FGF12: variants seen among roughly 807,000 people sequenced by gnomAD.
FGF12 encodes the protein fibroblast growth factor 12, also known as fibroblast growth factor 12B.
Under a neutral mutation model 23.6 loss-of-function variants are expected in FGF12, and 14 were observed. The ratio of observed to expected loss-of-function variants is 0.59; its 90% CI spans 0.39 to 0.93. The LOEUF is 0.93. FGF12 is among the 40% of genes least tolerant of loss of function. The probability of loss-of-function intolerance (pLI) is 0.00; values close to 1 mark genes in which losing one functional copy is unlikely to be tolerated. For synonymous variants in FGF12, 62 were observed against 77.3 expected, an observed-to-expected ratio of 0.80 and a Z score of 1.04; for missense variants, 175 against 217.8, an observed-to-expected ratio of 0.80 and a Z score of 1.24.
chr3:192,356,615 T>C (rs1718483883), intron 3 of FGF12, among the ~76,000 whole-genome samples: 2 of 152,192 alleles, frequency 1.3e-5, no homozygotes, highest in Admixed American at 6.5e-5. Flanking sequence ...CTCAATTACA[T>C]ATAATTAGTC....
intron 4 of FGF12, among the ~76,000 whole-genome samples, chr3:192,232,513 G>GTATTTATTTATTTATTTATTTATTTATT (rs112832511): frequency 6.8e-6 from 1 of 147,378 alleles, no homozygotes; most frequent in African/African-American, 2.5e-5. Context: ...CCATGCACGT[G>GTATTTATTTATTTATTTATTTATTTATT]TATTTATTTA....
Position 192,567,471 on chromosome 3 carries a change from GA to G in FGF12, c.13+159709del, listed in dbSNP as rs57173763. 1.6e-3 allele frequency among the ~76,000 whole-genome samples: 243 copies of G among 152,232 alleles called. 1 individual carries two copies. Among genetic ancestry groups the G allele is most frequent in the African/African-American group, 5.5e-3 (230 of 41,542 alleles). On this transcript the variant is annotated intron_variant, in intron 2 of 5. Transcript: ENST00000445105. ...AACTGGAGAGAAATATGCCTGGGGG[GA>G]AAAGCATGTATCCTCCAAATGGTGC...
intron 2 of FGF12, among the ~76,000 whole-genome samples, chr3:192,430,193 T>TA (rs915242865): frequency 2.9e-4 from 42 of 147,292 alleles, no homozygotes; most frequent in South Asian, 4.3e-4. Flanking sequence ...TATTCAGCCT[T>TA]AAAAAAAAAA....
intron 2 of FGF12, among the ~76,000 whole-genome samples, chr3:192,420,231 T>C (rs1263881630): frequency 3.3e-5 from 5 of 152,142 alleles, no homozygotes; most frequent in African/African-American, 1.2e-4. Flanking sequence ...TTAGGAGCTC[T>C]GCTATGGTTC....
At chr3:192,170,081 G>A (rs36031646) in intron 5 of FGF12, among the ~76,000 whole-genome samples, 10,361 of 143,930 alleles carry the variant, frequency 0.072, 495 homozygotes, top group African/African-American at 0.12. Context: ...AAATTTTTCC[G>A]GCTTCTATAT....
intron 2 of FGF12, among the ~76,000 whole-genome samples, chr3:192,708,085 A>G (rs1012935296): frequency 2.6e-5 from 4 of 151,960 alleles, no homozygotes; most frequent in African/African-American, 4.8e-5. Context: ...TCAGCCTCCC[A>G]AGTAGCTGGG....
chr3:192,386,924 T>C (rs1489261053), intron 2 of FGF12, among the ~76,000 whole-genome samples: 1 of 152,228 alleles, frequency 6.6e-6, no homozygotes, highest in Non-Finnish European at 1.5e-5. Context: ...TACTTTATTG[T>C]TAAAAGTGTC....
intron 2 of FGF12, among the ~76,000 whole-genome samples, chr3:192,489,281 C>G (rs1466506428): frequency 6.6e-6 from 1 of 151,892 alleles, no homozygotes; most frequent in African/African-American, 2.4e-5. Flanking sequence ...AAATGGAATA[C>G]TTAATTTTCC....
At chr3:192,640,836 A>G (rs542586506) in intron 2 of FGF12, among the ~76,000 whole-genome samples, 1 of 151,982 alleles carries the variant, frequency 6.6e-6, no homozygotes, top group Admixed American at 6.6e-5. Context: ...TGTGTGAGAC[A>G]GGGTCTTACT....
rs1447556259 is a variant in FGF12 at position 192,625,386 on chromosome 3, TTTAA to T, written c.13+101791_13+101794del. Among the ~76,000 whole-genome samples the T allele has an allele frequency of 2.6e-5, 4 of 152,144 alleles. No homozygotes were observed. In the East Asian group the frequency reaches 7.7e-4, roughly 29 times the overall value. On this transcript the variant is annotated intron_variant, in intron 2 of 5. Transcript: ENST00000445105. ...TGGATTTAAAAATGGTATATTGATG[TTTAA>T]TTTTTAGTTTGCTTTTTTCTTATTA... is the stretch of plus-strand genomic sequence containing the variant.
chr3:192,447,199 T>A (rs1371166450), intron 2 of FGF12, among the ~76,000 whole-genome samples: 1 of 152,178 alleles, frequency 6.6e-6, no homozygotes, highest in Non-Finnish European at 1.5e-5. Context: ...TGATAACCGA[T>A]GCTTGAAAAC....
intron 4 of FGF12, among the ~76,000 whole-genome samples, chr3:192,331,247 T>C (rs1717099614): frequency 1.3e-5 from 2 of 150,906 alleles, no homozygotes; most frequent in South Asian, 4.2e-4. Context: ...ATTGGAACTT[T>C]CGTGCACTGT....
At chr3:192,700,567 A>G (rs1718259010) in intron 2 of FGF12, among the ~76,000 whole-genome samples, 1 of 152,224 alleles carries the variant, frequency 6.6e-6, no homozygotes, top group Non-Finnish European at 1.5e-5. Flanking sequence ...GAGCAGATAC[A>G]TTATTAAAGG....
At chr3:192,562,891 C>T (rs1712108633) in intron 2 of FGF12, among the ~76,000 whole-genome samples, 1 of 152,116 alleles carries the variant, frequency 6.6e-6, no homozygotes, top group African/African-American at 2.4e-5. Flanking sequence ...CATTGTTCAT[C>T]CTGAACGTTC....
chr3:192,537,917 C>T (rs1241524828), intron 2 of FGF12, among the ~76,000 whole-genome samples: 7 of 144,332 alleles, frequency 4.8e-5, no homozygotes, highest in African/African-American at 1.5e-4. Flanking sequence ...TTATTAGTTT[C>T]ATAGTGTAAG....
chr3:192,232,904 T>C (rs907354573), intron 4 of FGF12, among the ~76,000 whole-genome samples: 2 of 152,192 alleles, frequency 1.3e-5, no homozygotes, highest in Middle Eastern at 3.2e-3. Context: ...TATGGCTGCA[T>C]AGTATTCCAC....
chr3:192,274,214 A>G (rs1713633933), intron 4 of FGF12, among the ~76,000 whole-genome samples: 1 of 152,174 alleles, frequency 6.6e-6, no homozygotes, highest in African/African-American at 2.4e-5. Context: ...TTACATTATT[A>G]CCTATCAAGG....
At chr3:192,497,757 A>G (rs997306883) in intron 2 of FGF12, among the ~76,000 whole-genome samples, 4 of 152,054 alleles carry the variant, frequency 2.6e-5, no homozygotes, top group African/African-American at 9.7e-5. Context: ...CTAGGAGAAA[A>G]CTGCTCTATC....
chr3:192,154,854 TC>T (rs1231234302), intron 5 of FGF12, among the ~76,000 whole-genome samples: 10 of 143,504 alleles, frequency 7.0e-5, no homozygotes, highest in Admixed American at 2.1e-4. Flanking sequence ...AGTTCGAGCT[TC>T]CCGGCTGCTT....
Sources: gnomAD v4.1 joint callset for allele counts (sites outside exome capture counted in the v4.1 genomes callset) on GRCh38, gnomAD v4.1.1 for gene constraint, MANE v1.5 for transcripts, NCBI Gene and HGNC (gene_info 2026-07-23, HGNC 2026-07-21) for gene names.